RUFY2: variants seen among roughly 807,000 people sequenced by gnomAD.
RUFY2 encodes the protein RUN and FYVE domain containing 2, also known as RUN and FYVE domain-containing protein 2.
A neutral mutation model predicts 94.4 loss-of-function variants in RUFY2; 49 were observed. The ratio of observed to expected loss-of-function variants is 0.52; its 90% CI spans 0.41 to 0.66. The LOEUF (loss-of-function observed/expected upper bound fraction) is 0.66, where lower values mean the gene tolerates loss of function less well. RUFY2 is among the 30% of genes least tolerant of loss of function. The pLI is 0.00. For missense variants in RUFY2, 541 were observed against 692.8 expected (o/e 0.78, Z 2.46); for synonymous variants, 255 against 235.7 (o/e 1.08, Z -0.75).
At chr10:68,376,442 G>A (rs7099969) in intron 13 of RUFY2, among the ~76,000 whole-genome samples, 4,012 of 27,662 alleles carry the variant, frequency 0.15, 308 homozygotes, top group South Asian at 0.31. Flanking sequence ...AAAAATGTGT[G>A]TATATATATA....
Position 68,345,724 on chromosome 10 carries a change from T to A in RUFY2, c.*44A>T. On this transcript the variant is annotated 3_prime_UTR_variant, in exon 18 of 18. Transcript: ENST00000602465. ...TACCTTTGTATACAACATCATAACA[T>A]TCATTGTAGGTAATTTCATACATAA... The A allele has an allele frequency of 6.4e-7, 1 of 1,568,512 alleles. No individual in the cohort carries two copies. The highest frequency in any genetic ancestry group is 8.7e-7 in the Non-Finnish European group (1 of 1,146,318).
intron 7 of RUFY2, among the ~76,000 whole-genome samples, chr10:68,392,073 C>A (rs990331985): frequency 2.0e-5 from 3 of 151,378 alleles, no homozygotes; most frequent in Middle Eastern, 3.4e-3. Context: ...CTTTTGTTGC[C>A]CAAGCTGCAG....
At chr10:68,397,542 C>T (rs1359661370) in intron 3 of RUFY2, among the ~76,000 whole-genome samples, 4 of 150,474 alleles carry the variant, frequency 2.7e-5, no homozygotes, top group African/African-American at 9.8e-5. Context: ...ACAGCCTGGA[C>T]AACATAGGGA....
chr10:68,362,464 A>T (rs2047519506), intron 15 of RUFY2, among the ~76,000 whole-genome samples: 1 of 152,172 alleles, frequency 6.6e-6, no homozygotes, highest in Non-Finnish European at 1.5e-5. Flanking sequence ...TCAGGCGCAA[A>T]GCTGCTACCC....
intron 3 of RUFY2, among the ~76,000 whole-genome samples, chr10:68,399,237 G>T (rs896619561): frequency 2.0e-5 from 3 of 151,622 alleles, no homozygotes; most frequent in African/African-American, 7.3e-5. Flanking sequence ...GTAGACATGT[G>T]GTTTCGCCAT....
At chr10:68,380,108 C>CTTT (rs554527515) in intron 11 of RUFY2, among the ~76,000 whole-genome samples, 2 of 141,702 alleles carry the variant, frequency 1.4e-5, no homozygotes, top group Non-Finnish European at 1.5e-5. Context: ...GCACACGGCC[C>CTTT]TTTTTTTTTT....
At chr10:68,369,963 C>T (rs1458427020) in intron 13 of RUFY2, among the ~76,000 whole-genome samples, 2 of 151,172 alleles carry the variant, frequency 1.3e-5, no homozygotes, top group Non-Finnish European at 2.9e-5. Flanking sequence ...TACCCAGTCT[C>T]GGGTATTCAG....
At chr10:68,341,690 GT>G (rs1230611096), downstream of RUFY2, 3 of 1,607,628 alleles carry the variant, frequency 1.9e-6, no homozygotes, top group South Asian at 3.3e-5. Flanking sequence ...GGTATGTAAA[GT>G]TTTTAAAATA....
intron 1 of RUFY2, chr10:68,405,456 G>A (rs1197881011): frequency 9.2e-6 from 9 of 977,030 alleles, no homozygotes; most frequent in African/African-American, 1.8e-5. Flanking sequence ...TCTTCATAGA[G>A]AATGAGTTTT....
intron 16 of RUFY2, among the ~76,000 whole-genome samples, chr10:68,348,358 TGAAAA>T (rs980897224): frequency 2.0e-5 from 3 of 151,078 alleles, no homozygotes; most frequent in African/African-American, 4.9e-5. Flanking sequence ...AAAATATAAA[TGAAAA>T]GAAATTAGCC....
chr10:68,387,232 C>T (rs1403362213), intron 7 of RUFY2, among the ~76,000 whole-genome samples: 1 of 152,036 alleles, frequency 6.6e-6, no homozygotes, highest in Non-Finnish European at 1.5e-5. Context: ...TGGCGGGCGT[C>T]TGTAATCCCA....
intron 3 of RUFY2, among the ~76,000 whole-genome samples, chr10:68,400,791 T>G (rs536663180): frequency 1.3e-5 from 2 of 151,764 alleles, no homozygotes; most frequent in Admixed American, 1.3e-4. Flanking sequence ...GGCAGGCGGA[T>G]CACGAGGTCA....
At chr10:68,377,265 G>A (rs555810459) in intron 12 of RUFY2, 493 of 1,219,194 alleles carry the variant, frequency 4.0e-4, no homozygotes, top group Admixed American at 5.6e-4. Context: ...TACCACTTAT[G>A]CAGAGCATAA....
chr10:68,376,056 T>C (rs976459729), intron 13 of RUFY2, among the ~76,000 whole-genome samples: 1 of 141,292 alleles, frequency 7.1e-6, no homozygotes, highest in Non-Finnish European at 1.5e-5. Flanking sequence ...GCCACCAAGG[T>C]CGTGCCATTG....
At chr10:68,341,862 C>G, downstream of RUFY2, 1 of 1,604,680 alleles carries the variant, frequency 6.2e-7, no homozygotes. Context: ...GTAAGTATCT[C>G]TAGTTCAGTT....
chr10:68,386,711 A>G (rs2049529406), intron 7 of RUFY2, among the ~76,000 whole-genome samples: 2 of 152,314 alleles, frequency 1.3e-5, no homozygotes, highest in Middle Eastern at 3.4e-3. Flanking sequence ...ATTTGGGAAT[A>G]AAAATTCGAC....
rs572862592 is a variant in RUFY2, at chr10:68,384,253, C to A, written c.721-101G>T. ...ATAAACATCAGAAAATAAAATCTCA[C>A]AACTAGCAAAAGGTCTGTCACATTC... On this transcript the variant is annotated intron_variant, in intron 8 of 17. Coordinates refer to ENST00000602465, the MANE Select transcript of RUFY2 (RefSeq NM_001330103.2). 4,515 of 1,389,138 alleles carry A rather than the reference C, an allele frequency of 3.3e-3. 13 individuals carry two copies. The highest frequency in any genetic ancestry group is 4.6e-3 in the South Asian group (281 of 61,516). The allele number at this position is 1,389,138 out of a possible 1,614,324, so 86.1% of individuals were successfully genotyped here.
At chr10:68,366,845 T>TATAA (rs879918138) in intron 13 of RUFY2, among the ~76,000 whole-genome samples, 7,211 of 140,454 alleles carry the variant, frequency 0.051, 261 homozygotes, top group Non-Finnish European at 0.078. Context: ...TAATATATAA[T>TATAA]ATAAATAAAT....
At chr10:68,366,857 A>T (rs1421082571) in intron 13 of RUFY2, among the ~76,000 whole-genome samples, 2 of 139,384 alleles carry the variant, frequency 1.4e-5, no homozygotes, top group African/African-American at 5.3e-5. Context: ...TAAATAAATA[A>T]ATATATTAAA....
Sources: gnomAD v4.1 joint callset for allele counts (sites outside exome capture counted in the v4.1 genomes callset) on GRCh38, gnomAD v4.1.1 for gene constraint, MANE v1.5 for transcripts, NCBI Gene and HGNC (gene_info 2026-07-23, HGNC 2026-07-21) for gene names.